Variants in NEGR1 observed in about 807,000 individuals in gnomAD.
NEGR1 encodes the protein neuronal growth regulator 1.
Under a neutral mutation model 40.9 loss-of-function variants are expected in NEGR1, and 10 were observed. That is an observed-to-expected ratio of 0.24 (90% confidence interval 0.15 to 0.42). The LOEUF (loss-of-function observed/expected upper bound fraction) is 0.42, where lower values mean the gene tolerates loss of function less well. Among genes scored for constraint, NEGR1 ranks in the 10% least tolerant of loss-of-function variants. The pLI is 1.00. For synonymous variants in NEGR1, 185 were observed against 166.8 expected (o/e 1.11, Z -0.84); for missense variants, 352 against 438.9 (o/e 0.80, Z 1.77).
At chr1:71,730,391 T>C (rs1654819644) in intron 3 of NEGR1, among the ~76,000 whole-genome samples, 1 of 151,922 alleles carries the variant, frequency 6.6e-6, no homozygotes, top group Admixed American at 6.6e-5. Context: ...ATGGTAACCA[T>C]GACTTTCAAA....
intron 1 of NEGR1, among the ~76,000 whole-genome samples, chr1:72,161,863 T>C (rs114348855): frequency 1.3e-5 from 2 of 151,450 alleles, no homozygotes; most frequent in African/African-American, 2.4e-5. Flanking sequence ...TGTTTTGTTT[T>C]GTATTTTAAT....
At position 71,939,347 on chromosome 1, in the gene NEGR1, G is replaced by C. The variant is rs1169143562; in HGVS notation, c.177-4036C>G. Among the ~76,000 whole-genome samples the C allele has an allele frequency of 2.0e-5, 3 of 152,048 alleles. No homozygotes were observed. The East Asian group carries it at 5.8e-4, about 29-fold the overall frequency. On this transcript the variant is annotated intron_variant, in intron 1 of 6. Coordinates refer to ENST00000357731, the MANE Select transcript of NEGR1 (RefSeq NM_173808.3). ...CTCTTTCCACTAGAAGCAAGATCCA[G>C]GAATTTTGTCTATTTGGTTGCTTCT...
chr1:72,248,209 A>C (rs1038840323), intron 1 of NEGR1, among the ~76,000 whole-genome samples: 2 of 152,144 alleles, frequency 1.3e-5, no homozygotes, highest in African/African-American at 4.8e-5. Context: ...CAATAAGAGA[A>C]CTAATTAACC....
At chr1:71,418,069 G>A (rs987141126) in intron 6 of NEGR1, among the ~76,000 whole-genome samples, 37 of 104,066 alleles carry the variant, frequency 3.6e-4, no homozygotes, top group Non-Finnish European at 5.6e-4. Context: ...TGTGTTCCAG[G>A]GTACACTTTT....
At chr1:71,990,308 T>G (rs537494189) in intron 1 of NEGR1, among the ~76,000 whole-genome samples, 1 of 152,296 alleles carries the variant, frequency 6.6e-6, no homozygotes, top group African/African-American at 2.4e-5. Flanking sequence ...AATTCTTCAA[T>G]AACATTATTA....
chr1:71,981,754 T>A (rs538894956), intron 1 of NEGR1, among the ~76,000 whole-genome samples: 10 of 152,208 alleles, frequency 6.6e-5, no homozygotes, highest in Non-Finnish European at 1.3e-4. Flanking sequence ...TTATGTCTAA[T>A]GGCCCCAGCC....
rs561641642 is a variant in NEGR1, at chr1:72,146,487, G to A, written c.176+135832C>T. On this transcript the variant is annotated intron_variant, in intron 1 of 6. Transcript: ENST00000357731. ...ATGATGGTGATGCCAACCAACCACA[G>A]ATTGCACACATGGGTGGCTGGATGA... Among the ~76,000 whole-genome samples, 3 of 152,220 alleles carry A rather than the reference G, an allele frequency of 2.0e-5. No individual in the cohort carries two copies. In the South Asian group the frequency reaches 6.2e-4, roughly 32 times the overall value.
chr1:72,044,341 A>T (rs1441443717), intron 1 of NEGR1, among the ~76,000 whole-genome samples: 4 of 151,274 alleles, frequency 2.6e-5, no homozygotes, highest in African/African-American at 7.3e-5. Flanking sequence ...AAAAAAAAAA[A>T]AAAAGAAGAG....
At chr1:71,937,961 G>C (rs985223465) in intron 1 of NEGR1, among the ~76,000 whole-genome samples, 10 of 151,892 alleles carry the variant, frequency 6.6e-5, no homozygotes, top group Admixed American at 6.6e-4. Flanking sequence ...CTCAATTCTG[G>C]CATGACATGG....
At chr1:71,411,781 C>T (rs569620620) in intron 6 of NEGR1, among the ~76,000 whole-genome samples, 71 of 152,198 alleles carry the variant, frequency 4.7e-4, no homozygotes, top group Admixed American at 9.8e-4. Flanking sequence ...AGGTGGATCA[C>T]CTGAGGCCAG....
At chr1:72,188,406 C>T (rs1390033650) in intron 1 of NEGR1, among the ~76,000 whole-genome samples, 1 of 151,424 alleles carries the variant, frequency 6.6e-6, no homozygotes, top group African/African-American at 2.4e-5. Context: ...TTAATTCACA[C>T]TTGTAGAAAT....
intron 6 of NEGR1, among the ~76,000 whole-genome samples, chr1:71,482,220 T>C (rs1474482662): frequency 6.6e-6 from 1 of 151,842 alleles, no homozygotes; most frequent in African/African-American, 2.4e-5. Context: ...TCATCTTTGT[T>C]GTTGCCAAAG....
intron 1 of NEGR1, among the ~76,000 whole-genome samples, chr1:72,205,785 T>TA (rs1653376038): frequency 1.9e-5 from 1 of 53,802 alleles, no homozygotes; most frequent in Non-Finnish European, 3.8e-5. Context: ...AAAAAAAAAA[T>TA]ACAAAAATTA....
chr1:72,101,390 A>G (rs1648931787), intron 1 of NEGR1, among the ~76,000 whole-genome samples: 1 of 152,160 alleles, frequency 6.6e-6, no homozygotes, highest in Non-Finnish European at 1.5e-5. Context: ...AAGAATGCAA[A>G]GGAATGCTTT....
chr1:71,984,801 C>G (rs1450122246), intron 1 of NEGR1, among the ~76,000 whole-genome samples: 1 of 151,924 alleles, frequency 6.6e-6, no homozygotes, highest in Admixed American at 6.6e-5. Flanking sequence ...AGTCACAAGG[C>G]CAGAATTCTA....
At chr1:72,095,339 T>G (rs1275691425) in intron 1 of NEGR1, among the ~76,000 whole-genome samples, 1 of 152,136 alleles carries the variant, frequency 6.6e-6, no homozygotes, top group Non-Finnish European at 1.5e-5. Context: ...CATATTTTCC[T>G]TACTTTATCA....
At chr1:72,246,264 C>T (rs1654900309) in intron 1 of NEGR1, among the ~76,000 whole-genome samples, 1 of 152,104 alleles carries the variant, frequency 6.6e-6, no homozygotes, top group Admixed American at 6.6e-5. Context: ...AAATTATCGC[C>T]ATTTATATTG....
intron 4 of NEGR1, among the ~76,000 whole-genome samples, chr1:71,673,307 G>A (rs1282565283): frequency 6.6e-6 from 1 of 152,098 alleles, no homozygotes; most frequent in Non-Finnish European, 1.5e-5. Flanking sequence ...TTGTAAACAA[G>A]TTAACCAGGC....
intron 2 of NEGR1, among the ~76,000 whole-genome samples, chr1:71,836,741 GAAC>G (rs1371415128): frequency 1.3e-5 from 2 of 151,922 alleles, no homozygotes; most frequent in Non-Finnish European, 2.9e-5. Context: ...GTTAAATAAA[GAAC>G]AATAAACAAA....
Sources: gnomAD v4.1 joint callset for allele counts (sites outside exome capture counted in the v4.1 genomes callset) on GRCh38, gnomAD v4.1.1 for gene constraint, MANE v1.5 for transcripts, NCBI Gene and HGNC (gene_info 2026-07-23, HGNC 2026-07-21) for gene names.